The following RBFOX1 variants were observed in gnomAD, a reference collection of about 807,000 sequenced individuals.
The protein encoded by RBFOX1 is RNA binding fox-1 homolog 1.
In RBFOX1, 8 loss-of-function variants were observed where a neutral mutation model predicts 57.7. That is an observed-to-expected ratio of 0.14 (90% CI 0.08 to 0.25). The LOEUF is 0.25. Among genes scored for constraint, RBFOX1 ranks in the 10% least tolerant of loss-of-function variants. The pLI is 1.00. For missense variants in RBFOX1, 611 were observed against 548.5 expected (o/e 1.11, Z -1.14); for synonymous variants, 326 against 222.4 (o/e 1.47, Z -4.15).
intron 4 of RBFOX1, among the ~76,000 whole-genome samples, chr16:7,128,372 T>C (rs541043114): frequency 1.7e-3 from 145 of 87,282 alleles, no homozygotes; most frequent in African/African-American, 5.5e-3. Context: ...TGCTGTGTAA[T>C]GAGCTAGTCC....
At chr16:5,374,236 CTCGT>C (rs1333669915) in intron 1 of RBFOX1, among the ~76,000 whole-genome samples, 6 of 152,326 alleles carry the variant, frequency 3.9e-5, no homozygotes, top group African/African-American at 1.4e-4. Context: ...TTGCACCTGG[CTCGT>C]CAGTTTCAGG....
At chr16:7,142,924 T>TC (rs397805938) in intron 4 of RBFOX1, among the ~76,000 whole-genome samples, 1 of 151,598 alleles carries the variant, frequency 6.6e-6, no homozygotes, top group Non-Finnish European at 1.5e-5. Context: ...TTTTTTTTTT[T>TC]CTGTGAGAAT....
rs989375807 is a variant in RBFOX1 at position 7,190,925 on chromosome 16, C to CT, written c.27+138837dup. Among the ~76,000 whole-genome samples, 429 of 149,482 alleles carry CT rather than the reference C, an allele frequency of 2.9e-3. 1 individual carries two copies. The highest frequency in any genetic ancestry group is 9.5e-3 in the African/African-American group (386 of 40,744). ...TGAAGGAAGCATATTTTACAAAGAC[C>CT]TTTTTTTTTTCCTGGACTTCTCCCT... On this transcript the variant is annotated intron_variant, in intron 4 of 15. Coordinates refer to ENST00000550418, the MANE Select transcript of RBFOX1 (RefSeq NM_018723.4).
chr16:7,007,996 C>T (rs2093400585), intron 3 of RBFOX1, among the ~76,000 whole-genome samples: 1 of 152,062 alleles, frequency 6.6e-6, no homozygotes, highest in African/African-American at 2.4e-5. Flanking sequence ...AAAATAAAAC[C>T]AGTATAATGT....
chr16:7,394,751 A>G (rs905647941), intron 4 of RBFOX1, among the ~76,000 whole-genome samples: 5 of 152,052 alleles, frequency 3.3e-5, no homozygotes, highest in African/African-American at 1.2e-4. Context: ...CTCCTTTGTA[A>G]TTCTCATCCA....
intron 3 of RBFOX1, among the ~76,000 whole-genome samples, chr16:6,824,813 C>G (rs776610104): frequency 6.6e-6 from 1 of 151,704 alleles, no homozygotes; most frequent in Non-Finnish European, 1.5e-5. Flanking sequence ...TTTGTAATAA[C>G]ATGTCAAAGA....
At chr16:7,250,196 G>A (rs1198863675) in intron 4 of RBFOX1, among the ~76,000 whole-genome samples, 1 of 152,090 alleles carries the variant, frequency 6.6e-6, no homozygotes, top group African/African-American at 2.4e-5. Flanking sequence ...TTCAAATGTG[G>A]TGTTTCTAAA....
rs930484324 is a variant in RBFOX1 at position 7,609,514 on chromosome 16, C to T, written c.676+2176C>T. Among the ~76,000 whole-genome samples, 4 of 152,000 alleles carry T rather than the reference C, an allele frequency of 2.6e-5. No individual in the cohort carries two copies. The South Asian group carries it at 8.3e-4, about 32-fold the overall frequency. On this transcript the variant is annotated intron_variant, in intron 10 of 15. Coordinates refer to ENST00000550418, the MANE Select transcript of RBFOX1 (RefSeq NM_018723.4). ...CATTAGAGCAGCTATTCAGATTAGC[C>T]CAGGGCCCAGGTTCAGAAGTTAGAT... is the stretch of plus-strand genomic sequence containing the variant.
chr16:6,136,634 C>T (rs567432586), intron 1 of RBFOX1, among the ~76,000 whole-genome samples: 1 of 152,034 alleles, frequency 6.6e-6, no homozygotes, highest in Non-Finnish European at 1.5e-5. Flanking sequence ...TCCAGAAAAA[C>T]CTTTATGGGG....
At chr16:5,493,363 G>T (rs1230870456) in intron 2 of RBFOX1, among the ~76,000 whole-genome samples, 1 of 152,078 alleles carries the variant, frequency 6.6e-6, no homozygotes, top group African/African-American at 2.4e-5. Context: ...CTTGTCTGTT[G>T]CCCTGATCTT....
At chr16:5,362,013 A>G (rs1240292656) in intron 1 of RBFOX1, among the ~76,000 whole-genome samples, 1 of 152,248 alleles carries the variant, frequency 6.6e-6, no homozygotes, top group Non-Finnish European at 1.5e-5. Context: ...TGAGATATTA[A>G]TTGTGCCAAC....
chr16:6,983,585 A>G (rs2089515894), intron 3 of RBFOX1: 1 of 152,166 alleles, frequency 6.6e-6, no homozygotes, highest in Non-Finnish European at 1.5e-5. Flanking sequence ...TTAAAGTATC[A>G]TAAAAGCATT....
intron 1 of RBFOX1, among the ~76,000 whole-genome samples, chr16:5,322,703 C>G (rs1344729410): frequency 6.6e-6 from 1 of 152,160 alleles, no homozygotes; most frequent in African/African-American, 2.4e-5. Context: ...CCAGTAATCT[C>G]CTTATGAGTC....
chr16:6,137,393 C>T (rs1247964887), intron 1 of RBFOX1, among the ~76,000 whole-genome samples: 1 of 152,124 alleles, frequency 6.6e-6, no homozygotes, highest in African/African-American at 2.4e-5. Context: ...CAGCTGCCTT[C>T]TCCCAGGTTC....
At chr16:6,699,798 C>T (rs929000952) in intron 3 of RBFOX1, among the ~76,000 whole-genome samples, 13 of 152,078 alleles carry the variant, frequency 8.5e-5, no homozygotes, top group African/African-American at 2.7e-4. Context: ...CATGCAGGCA[C>T]GGTGAAGAAA....
chr16:7,691,875 C>G (rs927346157), intron 14 of RBFOX1, among the ~76,000 whole-genome samples: 1 of 152,130 alleles, frequency 6.6e-6, no homozygotes, highest in African/African-American at 2.4e-5. Context: ...TAAATCATGT[C>G]GCCATTCTTG....
At chr16:6,800,080 A>G (rs987689686) in intron 3 of RBFOX1, among the ~76,000 whole-genome samples, 4 of 152,118 alleles carry the variant, frequency 2.6e-5, no homozygotes, top group Non-Finnish European at 4.4e-5. Context: ...GTGTCAGTAA[A>G]CTGTCATGGT....
chr16:7,397,929 C>T (rs1051063736), intron 4 of RBFOX1, among the ~76,000 whole-genome samples: 1 of 152,114 alleles, frequency 6.6e-6, no homozygotes. Context: ...CTACTTGGCT[C>T]TTAAATTTCT....
chr16:7,521,372 G>T (rs73484443), intron 5 of RBFOX1, among the ~76,000 whole-genome samples: 1,775 of 152,278 alleles, frequency 0.012, 23 homozygotes, highest in African/African-American at 0.041. Flanking sequence ...TAAGCAATGG[G>T]AAACCATTAA....
Sources: allele counts gnomAD v4.1 joint callset (sites outside exome capture counted in the v4.1 genomes callset), GRCh38; gene constraint gnomAD v4.1.1; transcripts MANE v1.5; gene names NCBI Gene and HGNC (gene_info 2026-07-23, HGNC 2026-07-21).